The following FRYL variants were observed in gnomAD, a reference collection of about 807,000 sequenced individuals.
FRYL encodes FRY like transcription coactivator.
Under a neutral mutation model 351.2 loss-of-function variants are expected in FRYL, and 150 were observed. The observed-to-expected ratio is 0.43, with a 90% CI of 0.37 to 0.49. FRYL has a LOEUF of 0.49. FRYL is among the 20% of genes least tolerant of loss of function. The pLI is 0.00. For synonymous variants in FRYL, 1,153 were observed against 1,257.1 expected (o/e 0.92, Z 1.75); for missense variants, 3,036 against 3,619.3 (o/e 0.84, Z 4.13).
chr4:48,604,414 G>T (rs1200769332), intron 11 of FRYL, among the ~76,000 whole-genome samples: 1 of 152,184 alleles, frequency 6.6e-6, no homozygotes, highest in African/African-American at 2.4e-5. Context: ...TAGGAAATAG[G>T]TCATTGCAGA....
chr4:48,632,094 A>ATATATATATATATG, intron 4 of FRYL, among the ~76,000 whole-genome samples: 1 of 13,860 alleles, frequency 7.2e-5, no homozygotes, highest in Non-Finnish European at 1.8e-4. Flanking sequence ...AAAAAAAAAT[A>ATATATATATATATG]TATATATATA....
intron 2 of FRYL, among the ~76,000 whole-genome samples, chr4:48,708,878 GC>G (rs1435495422): frequency 6.7e-6 from 1 of 149,616 alleles, no homozygotes; most frequent in African/African-American, 2.5e-5. Context: ...ACAGGCATGA[GC>G]CATCACACTT....
intron 1 of FRYL, among the ~76,000 whole-genome samples, chr4:48,723,705 T>C (rs1769747345): frequency 6.6e-6 from 1 of 152,104 alleles, no homozygotes; most frequent in South Asian, 2.1e-4. Context: ...CCATTATCTC[T>C]GCCCAAACAA....
intron 62 of FRYL, among the ~76,000 whole-genome samples, chr4:48,500,583 G>T (rs1473774099): frequency 2.0e-5 from 3 of 151,840 alleles, no homozygotes; most frequent in Non-Finnish European, 4.4e-5. Context: ...TTACCCCAGG[G>T]TATTTTTATA....
intron 59 of FRYL, among the ~76,000 whole-genome samples, chr4:48,507,540 A>AGTTAGTTG (rs1721432039): frequency 6.6e-6 from 1 of 151,750 alleles, no homozygotes; most frequent in Non-Finnish European, 1.5e-5. Context: ...ACAAACAGTT[A>AGTTAGTTG]GTTAGTTAGA....
At chr4:48,639,624 G>C (rs1754938912) in intron 3 of FRYL, among the ~76,000 whole-genome samples, 1 of 151,942 alleles carries the variant, frequency 6.6e-6, no homozygotes, top group Non-Finnish European at 1.5e-5. Context: ...GGTTTGGAGG[G>C]TGACTTTTTA....
At chr4:48,675,577 G>A (rs977717867) in intron 3 of FRYL, among the ~76,000 whole-genome samples, 3 of 152,218 alleles carry the variant, frequency 2.0e-5, no homozygotes, top group Non-Finnish European at 4.4e-5. Context: ...CTGCCTTCCC[G>A]CGGGGCAGGG....
intron 59 of FRYL, chr4:48,506,614 TAATATATATATA>T (rs1222254312): frequency 9.7e-4 from 76 of 78,000 alleles, no homozygotes; most frequent in South Asian, 4.6e-3. Context: ...ACAATACAAC[TAATATATATATA>T]TATATATATA....
chr4:48,583,720 T>A (rs1195002211), intron 19 of FRYL, among the ~76,000 whole-genome samples: 2 of 151,756 alleles, frequency 1.3e-5, no homozygotes, highest in Non-Finnish European at 2.9e-5. Context: ...CTGGCCAACA[T>A]GATGAAATCC....
intron 1 of FRYL, among the ~76,000 whole-genome samples, chr4:48,779,175 G>T (rs1776355688): frequency 6.6e-6 from 1 of 152,206 alleles, no homozygotes; most frequent in African/African-American, 2.4e-5. Context: ...CAGAACGCAG[G>T]AAACCAGGCT....
At chr4:48,739,028 C>T (rs971330455) in intron 1 of FRYL, among the ~76,000 whole-genome samples, 2 of 152,102 alleles carry the variant, frequency 1.3e-5, no homozygotes, top group African/African-American at 4.8e-5. Flanking sequence ...TATGAAGCAA[C>T]ACTCATCAAG....
chr4:48,747,484 C>T (rs527925464), intron 1 of FRYL, among the ~76,000 whole-genome samples: 21 of 152,244 alleles, frequency 1.4e-4, no homozygotes, highest in African/African-American at 4.6e-4. Flanking sequence ...AGATTAAAAA[C>T]AATCAATATA....
chr4:48,753,006 G>A (rs1773409838), intron 1 of FRYL, among the ~76,000 whole-genome samples: 1 of 152,080 alleles, frequency 6.6e-6, no homozygotes, highest in Non-Finnish European at 1.5e-5. Context: ...GGGGTCGGGG[G>A]GAGTGAGCAG....
chr4:48,723,934 T>A lies in FRYL; in HGVS notation c.-383-13236A>T, dbSNP rs573150895. Among the ~76,000 whole-genome samples the A allele has an allele frequency of 3.5e-3, 438 of 123,480 alleles. 1 individual carries two copies. Among genetic ancestry groups the A allele is most frequent in the African/African-American group, 6.6e-3 (195 of 29,434 alleles). 81.0% of individuals were successfully genotyped at this position (123,480 alleles called of 152,430 possible). ...GACCCCAACTCTACAAAAAAAAAAA[T>A]AAATAAAATAATAATAATAATAATA... On this transcript the variant is annotated intron_variant, in intron 1 of 63. Coordinates refer to ENST00000358350, the MANE Select transcript of FRYL (RefSeq NM_015030.2).
At chr4:48,690,599 A>G (rs1444899083) in intron 2 of FRYL, among the ~76,000 whole-genome samples, 1 of 152,218 alleles carries the variant, frequency 6.6e-6, no homozygotes, top group Non-Finnish European at 1.5e-5. Flanking sequence ...CAATTAATTC[A>G]TCCAAAATTT....
Position 48,678,011 on chromosome 4 carries a change from G to A in FRYL, c.-81+6662C>T, listed in dbSNP as rs538358811. On this transcript the variant is annotated intron_variant, in intron 3 of 63. Transcript: ENST00000358350. ...AAGTAAGATTCACTTATGTTGAGAC[G>A]CAAGTAACCTATGTGTACATTGGTA... Among the ~76,000 whole-genome samples the A allele has an allele frequency of 2.6e-5, 4 of 152,276 alleles. No homozygotes were observed. The South Asian group carries it at 8.3e-4, about 32-fold the overall frequency.
intron 1 of FRYL, among the ~76,000 whole-genome samples, chr4:48,770,705 G>C (rs187171736): frequency 3.3e-5 from 5 of 152,132 alleles, no homozygotes; most frequent in Non-Finnish European, 5.9e-5. Context: ...CCAAAGTGCT[G>C]GAATTACAGG....
intron 1 of FRYL, among the ~76,000 whole-genome samples, chr4:48,771,299 CAAA>C (rs1294375489): frequency 6.6e-6 from 1 of 152,120 alleles, no homozygotes; most frequent in Non-Finnish European, 1.5e-5. Flanking sequence ...AATTTTACCT[CAAA>C]GAAAACAGAT....
chr4:48,778,210 AT>A (rs562557931), intron 1 of FRYL, among the ~76,000 whole-genome samples: 68 of 152,168 alleles, frequency 4.5e-4, no homozygotes, highest in African/African-American at 1.6e-3. Context: ...TTGGCTTCCA[AT>A]TTCCCAAGTA....
Sources: gnomAD v4.1 joint callset for allele counts (sites outside exome capture counted in the v4.1 genomes callset) on GRCh38, gnomAD v4.1.1 for gene constraint, MANE v1.5 for transcripts, NCBI Gene and HGNC (gene_info 2026-07-23, HGNC 2026-07-21) for gene names.